The following IFT25 variants were observed in gnomAD, a reference collection of about 807,000 sequenced individuals.
IFT25 encodes the protein intraflagellar transport 25.
chr1:53,917,108 C>A, the IFT25 span: 1 of 180,182 alleles, frequency 5.5e-6, no homozygotes, highest in South Asian at 2.0e-4. Flanking sequence ...AGCGCCATCC[C>A]ACTCCGGCCT....
At chr1:53,929,836 A>G in the IFT25 span, 1 of 770,328 alleles carries the variant, frequency 1.3e-6, no homozygotes, top group Non-Finnish European at 1.8e-6. Flanking sequence ...ACTGAGCTCA[A>G]GGCATTTACC....
At chr1:53,921,770 G>A in the IFT25 span, 4 of 1,587,406 alleles carry the variant, frequency 2.5e-6, no homozygotes, top group East Asian at 2.2e-5. Flanking sequence ...TCATGTGCCT[G>A]TATGGGAAAA....
At chr1:53,932,955 G>A in the IFT25 span, among the ~76,000 whole-genome samples, 11 of 152,264 alleles carry the variant, frequency 7.2e-5, no homozygotes, top group Non-Finnish European at 1.3e-4. Context: ...GATCATCTAT[G>A]TCTTTATTGA....
At chr1:53,943,786 G>A in the IFT25 span, among the ~76,000 whole-genome samples, 1 of 152,068 alleles carries the variant, frequency 6.6e-6, no homozygotes, top group Non-Finnish European at 1.5e-5. Flanking sequence ...ACCACGGCCG[G>A]CTAATTTTTT....
the IFT25 span, among the ~76,000 whole-genome samples, chr1:53,917,956 A>C: frequency 6.6e-6 from 1 of 152,210 alleles, no homozygotes; most frequent in Non-Finnish European, 1.5e-5. Context: ...CCTTTCCTTA[A>C]TTAACATTTT....
the IFT25 span, among the ~76,000 whole-genome samples, chr1:53,915,790 A>G: frequency 3.2e-3 from 487 of 152,326 alleles, 5 homozygotes; most frequent in African/African-American, 0.011. Context: ...GCCTCAATAC[A>G]TAGTACACAC....
the IFT25 span, among the ~76,000 whole-genome samples, chr1:53,944,535 C>T: frequency 6.6e-6 from 1 of 152,206 alleles, no homozygotes; most frequent in Non-Finnish European, 1.5e-5. Flanking sequence ...ATCCCAGCTA[C>T]TCCGGAGGCT....
the IFT25 span, chr1:53,916,822 C>T: frequency 5.0e-6 from 2 of 396,164 alleles, 1 homozygote; most frequent in South Asian, 2.6e-4. Flanking sequence ...TTTTGAAATG[C>T]CTTTCCTACT....
chr1:53,916,203 T>C, the IFT25 span, among the ~76,000 whole-genome samples: 6 of 148,136 alleles, frequency 4.1e-5, no homozygotes, highest in African/African-American at 1.5e-4. Context: ...AAAGAGGTGA[T>C]TGGGGTAGTT....
chr1:53,932,415 A>C, the IFT25 span, among the ~76,000 whole-genome samples: 8 of 151,622 alleles, frequency 5.3e-5, no homozygotes, highest in Non-Finnish European at 8.8e-5. Context: ...TGCAGTGTTT[A>C]ATTTCTAAGT....
the IFT25 span, among the ~76,000 whole-genome samples, chr1:53,913,118 G>A: frequency 1.3e-5 from 2 of 152,206 alleles, no homozygotes; most frequent in African/African-American, 2.4e-5. Flanking sequence ...AGAAATACCT[G>A]TGAAATTATG....
At chr1:53,943,683 A>C in the IFT25 span, among the ~76,000 whole-genome samples, 1 of 151,466 alleles carries the variant, frequency 6.6e-6, no homozygotes, top group Non-Finnish European at 1.5e-5. Flanking sequence ...GAGTGCAATG[A>C]CTCGATCTCG....
chr1:53,940,548 A>G, the IFT25 span, among the ~76,000 whole-genome samples: 3 of 152,242 alleles, frequency 2.0e-5, no homozygotes, highest in Admixed American at 6.5e-5. Flanking sequence ...TAAACATTCA[A>G]TTATTAAATT....
the IFT25 span, among the ~76,000 whole-genome samples, chr1:53,927,768 C>T: frequency 6.6e-6 from 1 of 152,106 alleles, no homozygotes; most frequent in Non-Finnish European, 1.5e-5. Context: ...CTTGTCAAGA[C>T]CTTAGGTTAT....
the IFT25 span, chr1:53,917,007 G>A: frequency 5.1e-5 from 12 of 235,598 alleles, no homozygotes; most frequent in South Asian, 5.5e-4. Context: ...AGCTGGGTGT[G>A]GTGGCAGGTG....
the IFT25 span, among the ~76,000 whole-genome samples, chr1:53,936,295 CA>C: frequency 2.0e-5 from 3 of 150,322 alleles, no homozygotes; most frequent in Non-Finnish European, 4.4e-5. Context: ...CTCAAAAAAA[CA>C]AAAATTAGTC....
the IFT25 span, chr1:53,930,274 G>A: frequency 4.7e-6 from 4 of 853,900 alleles, no homozygotes; most frequent in Non-Finnish European, 6.9e-6. Flanking sequence ...TGTTAATTCT[G>A]CCTCTAATCT....
the IFT25 span, among the ~76,000 whole-genome samples, chr1:53,916,010 C>A: frequency 9.9e-5 from 15 of 151,884 alleles, no homozygotes; most frequent in African/African-American, 3.6e-4. Flanking sequence ...CATGGTGAAA[C>A]CACATTTCTA....
At chr1:53,943,695 C>A in the IFT25 span, among the ~76,000 whole-genome samples, 4 of 152,076 alleles carry the variant, frequency 2.6e-5, no homozygotes, top group South Asian at 8.3e-4. Flanking sequence ...TCGATCTCGG[C>A]TAACTGCAAC....
Sources: gnomAD v4.1 joint callset for allele counts (sites outside exome capture counted in the v4.1 genomes callset) on GRCh38, gnomAD v4.1.1 for gene constraint, MANE v1.5 for transcripts, NCBI Gene and HGNC (gene_info 2026-07-23, HGNC 2026-07-21) for gene names.